TMEM94: variants seen among roughly 807,000 people sequenced by gnomAD.
TMEM94 encodes ER Mg2+ ATPase.
In TMEM94, 81 loss-of-function variants were observed where a neutral mutation model predicts 158.6. That is an observed-to-expected ratio of 0.51 (90% CI 0.43 to 0.61). The LOEUF (loss-of-function observed/expected upper bound fraction) is 0.61, where lower values mean the gene tolerates loss of function less well. Among genes scored for constraint, TMEM94 ranks in the 20% least tolerant of loss-of-function variants. The probability of loss-of-function intolerance (pLI) is 0.00; values close to 1 mark genes in which losing one functional copy is unlikely to be tolerated. For synonymous variants in TMEM94, 751 were observed against 730.7 expected (o/e 1.03, Z -0.45); for missense variants, 1,435 against 1,762.0 (o/e 0.81, Z 3.32).
intron 1 of TMEM94, among the ~76,000 whole-genome samples, chr17:75,467,564 C>T (rs1309101493): frequency 3.3e-5 from 4 of 122,278 alleles, no homozygotes; most frequent in African/African-American, 1.3e-4. Flanking sequence ...CTCGCTCTGT[C>T]GCCCAGGCCG....
chr17:75,494,620 C>CCTGAAGAAGGGATCGGGGAGGTG lies in TMEM94; in HGVS notation c.2408-3_2427dup. On this transcript the variant is annotated splice_polypyrimidine_tract_variant and splice_region_variant and intron_variant, in intron 18 of 31. Coordinates refer to ENST00000314256, the MANE Select transcript of TMEM94 (RefSeq NM_014738.6). ...ATCGGGCTGTGTCCTGTGTGTCCTG[C>CCTGAAGAAGGGATCGGGGAGGTG]CTGAAGAAGGGATCGGGGAGGTGCT... 6.2e-7 allele frequency: 1 copy of CCTGAAGAAGGGATCGGGGAGGTG among 1,612,752 alleles called. No individual in the cohort carries two copies. Among genetic ancestry groups the CCTGAAGAAGGGATCGGGGAGGTG allele is most frequent in the African/African-American group, 1.3e-5 (1 of 74,992 alleles).
In TMEM94 at chr17:75,498,433, CA is replaced by C; in HGVS notation, c.3639-10del. 10 of 1,591,392 alleles carry C rather than the reference CA, an allele frequency of 6.3e-6. No homozygotes were observed. The highest frequency in any genetic ancestry group is 8.6e-6 in the Non-Finnish European group (10 of 1,166,466). On this transcript the variant is annotated splice_polypyrimidine_tract_variant and intron_variant, in intron 28 of 31. Coordinates refer to ENST00000314256, the MANE Select transcript of TMEM94 (RefSeq NM_014738.6). This position sits in a 1 kb window ranked among gnomAD's most constrained non-coding sequence, Gnocchi z 6.7. ...CCCTAGAGGGGCTGAGCCCATGCCT[CA>C]CTTTGGCAGCAACGACGACAGGGCT... is the stretch of plus-strand genomic sequence containing the variant.
chr17:75,463,178 GTATATA>G (rs749164900), intron 1 of TMEM94, among the ~76,000 whole-genome samples: 1 of 15,062 alleles, frequency 6.6e-5, no homozygotes, highest in East Asian at 1.1e-3. Flanking sequence ...GTGTGTGTGT[GTATATA>G]TATATATATA....
Position 75,489,039 on chromosome 17 carries a change from C to T in TMEM94, c.764+129C>T. ...GCAGGCATCTCCTTAGGCTCCTGTC[C>T]TTAACATCTTGTGAGAATTCTTAGA... On this transcript the variant is annotated intron_variant, in intron 7 of 31. Coordinates refer to ENST00000314256, the MANE Select transcript of TMEM94 (RefSeq NM_014738.6). This position sits in a 1 kb window ranked among gnomAD's most constrained non-coding sequence, Gnocchi z 5.0. The T allele has an allele frequency of 9.4e-7, 1 of 1,060,344 alleles. No individual in the cohort carries two copies. Among genetic ancestry groups the T allele is most frequent in the Non-Finnish European group, 1.4e-6 (1 of 726,500 alleles). 65.7% of individuals were successfully genotyped at this position (1,060,344 alleles called of 1,614,324 possible).
At chr17:75,494,871 G>A (rs748053281) in intron 19 of TMEM94, 25 bp from the exon 20 acceptor site, 3 of 1,613,474 alleles carry the variant, frequency 1.9e-6, no homozygotes, top group African/African-American at 2.7e-5. Context: ...GGGCCCGTAT[G>A]TTCATGGCCG....
chr17:75,486,157 C>A, intron 4 of TMEM94, 133 bp from the exon 5 acceptor site: 1 of 1,468,166 alleles, frequency 6.8e-7, no homozygotes, highest in Non-Finnish European at 9.2e-7. Context: ...AGAGGCCTAG[C>A]TGGTGTCAGG....
Position 75,496,746 on chromosome 17 carries a change from A to G in TMEM94, c.3260A>G (p.Tyr1087Cys), listed in dbSNP as rs763529241. Residue 1087 changes from tyrosine to cysteine, a missense_variant, in exon 25 of 32, where the codon TAT (tyrosine) becomes TGT (cysteine). Tyr to Cys is a radical substitution (Grantham distance 194). Around this residue, in one of 3 missense-constraint regions of TMEM94, gnomAD observed 335 missense variants for 409.1 expected, o/e 0.82. Coordinates refer to ENST00000314256, the MANE Select transcript of TMEM94 (RefSeq NM_014738.6). Reference protein sequence around the residue: ...RLIEQARHATYGIRKCFLFLL... With the variant: ...RLIEQARHATCGIRKCFLFLL... ...GGTCCCTAGGCTCGGCATGCCACCT[A>G]TGGCATCCGTAAGTGCTTCCTCTTC... 8.1e-6 allele frequency: 13 copies of G among 1,613,614 alleles called. No homozygotes were observed. Among genetic ancestry groups the G allele is most frequent in the East Asian group, 2.2e-5 (1 of 44,880 alleles).
At position 75,498,738 on chromosome 17, in the gene TMEM94, A is replaced by G. The variant is rs2052998027; in HGVS notation, c.3827+16A>G. ...TGCCTGTGGTGTGAGTATTGCTAGG[A>G]TGGAGGGCGGAGTGTGGGCTGGGGA... On this transcript the variant is annotated intron_variant, in intron 30 of 31. Transcript: ENST00000314256. This position sits in a 1 kb window ranked among gnomAD's most constrained non-coding sequence, Gnocchi z 6.7. 6.5e-7 allele frequency: 1 copy of G among 1,542,584 alleles called. No homozygotes were observed. Among genetic ancestry groups the G allele is most frequent in the Non-Finnish European group, 8.7e-7 (1 of 1,142,924 alleles).
rs534927599 is a variant in TMEM94 at position 75,491,233 on chromosome 17, G to A, written c.1234-70G>A. 3.0e-5 allele frequency: 48 copies of A among 1,595,724 alleles called. No individual in the cohort carries two copies. The East Asian group carries it at 4.0e-4, about 13-fold the overall frequency. On this transcript the variant is annotated intron_variant, in intron 12 of 31. Transcript: ENST00000314256. The surrounding 1 kb of genome is among the most constrained non-coding windows in gnomAD (Gnocchi z 5.1). ...GCTGGGCCTGGGCTGCCCACCTGCC[G>A]CTTGAGTGGCCCCTGGGCAGGATAG...
In TMEM94 at chr17:75,498,456, G is replaced by A; in HGVS notation, c.3651G>A (p.Arg1217=). 1 of 1,586,960 alleles carries A rather than the reference G, an allele frequency of 6.3e-7. No homozygotes were observed. The highest frequency in any genetic ancestry group is 8.6e-7 in the Non-Finnish European group (1 of 1,164,624). ...SSVMLPSNDD[R]APAWFEDFAN... ...CTCACTTTGGCAGCAACGACGACAG[G>A]GCTCCAGCCTGGTTTGAGGACTTTG... Residue 1217 remains arginine (R), a synonymous_variant, in exon 29 of 32, where the codon AGG becomes AGA. Coordinates refer to ENST00000314256, the MANE Select transcript of TMEM94 (RefSeq NM_014738.6). This position sits in a 1 kb window ranked among gnomAD's most constrained non-coding sequence, Gnocchi z 6.7.
chr17:75,498,120 G>C lies in TMEM94; in HGVS notation c.3490-55G>C, dbSNP rs1302997912. On this transcript the variant is annotated intron_variant, in intron 27 of 31. Coordinates refer to ENST00000314256, the MANE Select transcript of TMEM94 (RefSeq NM_014738.6). This position sits in a 1 kb window ranked among gnomAD's most constrained non-coding sequence, Gnocchi z 6.7. ...CCCGTTGAATACGTGGAAGAGCTAGGAGCAGCCGGCAGAGGGGCTGTGCGC... is the reference window on the plus strand; with the variant it reads ...CCCGTTGAATACGTGGAAGAGCTAGCAGCAGCCGGCAGAGGGGCTGTGCGC... 6.2e-7 allele frequency: 1 copy of C among 1,604,652 alleles called. No individual in the cohort carries two copies. Among genetic ancestry groups the C allele is most frequent in the Non-Finnish European group, 8.5e-7 (1 of 1,174,346 alleles).
chr17:75,467,625 C>T (rs572193736), intron 1 of TMEM94, among the ~76,000 whole-genome samples: 297 of 150,226 alleles, frequency 2.0e-3, no homozygotes, highest in African/African-American at 6.7e-3. Flanking sequence ...CTCCGCTTCC[C>T]GGGTTCACGC....
Position 75,496,336 on chromosome 17 carries a change from C to T in TMEM94, c.3108C>T (p.Tyr1036=), listed in dbSNP as rs149883213. ...GTTGCTCCTGGGAGACCTTTGGCTA[C>T]GCCACCAGCATCAGCATGGCCCAGG... The part of the protein sequence containing the change: ...PSRCSWETFG[Y]ATSISMAQAS... The change falls in exon 24 of 32, where the codon TAC becomes TAT. Residue 1036 remains tyrosine (Y), a synonymous_variant. Transcript: ENST00000314256. The T allele has an allele frequency of 2.5e-5, 41 of 1,614,172 alleles. No individual in the cohort carries two copies. The highest frequency in any genetic ancestry group is 1.4e-4 in the South Asian group (13 of 91,092).
In TMEM94 at chr17:75,499,095, C is replaced by T; in HGVS notation, c.3998+13C>T. 1 of 1,576,034 alleles carries T rather than the reference C, an allele frequency of 6.3e-7. No individual in the cohort carries two copies. Among genetic ancestry groups the T allele is most frequent in the Non-Finnish European group, 8.6e-7 (1 of 1,159,324 alleles). ...TACATGAGATTCGGTGAGCTGTCAG[C>T]AGGGCGCCTCCCTCTGGGCTCAGGC... is the stretch of plus-strand genomic sequence containing the variant. On this transcript the variant is annotated intron_variant, in intron 31 of 31. Coordinates refer to ENST00000314256, the MANE Select transcript of TMEM94 (RefSeq NM_014738.6).
At chr17:75,471,192 T>C (rs1311227648) in intron 1 of TMEM94, among the ~76,000 whole-genome samples, 2 of 146,846 alleles carry the variant, frequency 1.4e-5, no homozygotes, top group Non-Finnish European at 3.0e-5. Flanking sequence ...TGAGCCAAGA[T>C]CGGGTCATAG....
At chr17:75,461,648 G>A (rs537154097) in intron 1 of TMEM94, among the ~76,000 whole-genome samples, 15 of 152,000 alleles carry the variant, frequency 9.9e-5, no homozygotes, top group African/African-American at 3.6e-4. Context: ...AGTAGGCCGG[G>A]CGCAGTGGCT....
At position 75,486,039 on chromosome 17, in the gene TMEM94, C is replaced by A; in HGVS notation, c.272+41C>A. 3 of 1,565,942 alleles carry A rather than the reference C, an allele frequency of 1.9e-6. No individual in the cohort carries two copies. The South Asian group carries it at 3.5e-5, about 18-fold the overall frequency. On this transcript the variant is annotated intron_variant, in intron 4 of 31. Coordinates refer to ENST00000314256, the MANE Select transcript of TMEM94 (RefSeq NM_014738.6). ...CTGCTCCCCAACCTCTCCAGCTGTG[C>A]TGTCCATCCTGCCGCGGCACCTGGG... is the stretch of plus-strand genomic sequence containing the variant.
chr17:75,491,632 C>G lies in TMEM94; in HGVS notation c.1387-59C>G. The G allele has an allele frequency of 6.3e-7, 1 of 1,576,092 alleles. No individual in the cohort carries two copies. Among genetic ancestry groups the G allele is most frequent in the Non-Finnish European group, 8.7e-7 (1 of 1,150,554 alleles). On this transcript the variant is annotated intron_variant, in intron 13 of 31. Transcript: ENST00000314256. The surrounding 1 kb of genome is among the most constrained non-coding windows in gnomAD (Gnocchi z 5.1). ...AGGCAGCCAGGGGACCTAGAAGCAT[C>G]CTGCCTCCCCAGGCCATGGGAGCCA...
At chr17:75,461,457 A>C (rs778542728) in intron 1 of TMEM94, among the ~76,000 whole-genome samples, 3 of 152,170 alleles carry the variant, frequency 2.0e-5, no homozygotes, top group Admixed American at 6.5e-5. Context: ...TGAAAATCAA[A>C]AGGCACAAAA....
Sources: gnomAD v4.1 joint callset for allele counts (sites outside exome capture counted in the v4.1 genomes callset) on GRCh38, gnomAD v4.1.1 for gene constraint, gnomAD v4.1.1 regional missense constraint, Gnocchi (gnomAD v3.1) non-coding constraint, MANE v1.5 for transcripts, NCBI Gene and HGNC (gene_info 2026-07-23, HGNC 2026-07-21) for gene names.